Variants in ERGIC3 observed in about 807,000 individuals in gnomAD.
The protein encoded by ERGIC3 is endoplasmic reticulum-Golgi intermediate compartment protein 3.
ERGIC3 carries 33 observed loss-of-function variants against 54.7 expected under a neutral mutation model. That is an observed-to-expected ratio of 0.60 (90% CI 0.46 to 0.81). The LOEUF is 0.81. Ranked by LOEUF, ERGIC3 falls within the 30% of genes least tolerant of loss-of-function variation. The pLI, the probability that ERGIC3 is intolerant of heterozygous loss-of-function variation, is 0.00. For synonymous variants in ERGIC3, 186 were observed against 189.8 expected (o/e 0.98, Z 0.16); for missense variants, 399 against 488.4 (o/e 0.82, Z 1.73).
At chr20:35,557,323 G>T (rs1328621706) in intron 12 of ERGIC3, 74 bp downstream of exon 12, 1 of 1,610,586 alleles carries the variant, frequency 6.2e-7, no homozygotes, top group Non-Finnish European at 8.5e-7. Context: ...TTGGTTGGGG[G>T]TGAAGGGGCA....
chr20:35,548,421 G>A (rs6120980), intron 5 of ERGIC3, 88 bp from the exon 6 acceptor site: 2 of 1,427,914 alleles, frequency 1.4e-6, no homozygotes, highest in South Asian at 2.6e-5. Flanking sequence ...TTCATTAGCA[G>A]GCAGAGCTGC....
In ERGIC3 at chr20:35,542,162, T is replaced by C; in HGVS notation, c.65T>C (p.Val22Ala). The change falls in exon 1 of 13, where the codon GTC becomes GCC. Residue 22 changes from valine (V) to alanine (A), a missense_variant. Coordinates refer to ENST00000348547, the MANE Select transcript of ERGIC3 (RefSeq NM_015966.3). ...CCCAAGACTTTGGAGGACTTCCGGG[T>C]CAAGACCTGCGGGGGCGCCACCGGT... ...AYPKTLEDFR[V>A]KTCGGATVTI... The C allele has an allele frequency of 6.3e-7, 1 of 1,578,970 alleles. No individual in the cohort carries two copies. The highest frequency in any genetic ancestry group is 1.8e-5 in the Admixed American group (1 of 55,580).
chr20:35,545,876 G>A (rs1347882880), intron 4 of ERGIC3, among the ~76,000 whole-genome samples: 1 of 152,182 alleles, frequency 6.6e-6, no homozygotes, highest in African/African-American at 2.4e-5. Context: ...AGAATTTAGA[G>A]GAGTTATCAG....
intron 10 of ERGIC3, 43 bp downstream of exon 10, chr20:35,556,314 A>G: frequency 6.2e-7 from 1 of 1,601,884 alleles, no homozygotes; most frequent in Non-Finnish European, 8.6e-7. Context: ...GCGCGGTGCC[A>G]AGCACTGGAG....
At chr20:35,545,404 CA>C (rs553943792) in intron 4 of ERGIC3, 192 of 139,966 alleles carry the variant, frequency 1.4e-3, no homozygotes, top group Middle Eastern at 3.7e-3. Context: ...CTAAAAAATA[CA>C]AAAAAAAAAA....
chr20:35,556,680 TGCG>T (rs1056557540), intron 10 of ERGIC3: 13 of 522,928 alleles, frequency 2.5e-5, no homozygotes, highest in Non-Finnish European at 4.5e-5. Context: ...TCAGCCTTGG[TGCG>T]TCTTTGGAGA....
At chr20:35,548,101 G>C (rs1204837679) in intron 5 of ERGIC3, among the ~76,000 whole-genome samples, 1 of 152,094 alleles carries the variant, frequency 6.6e-6, no homozygotes, top group Non-Finnish European at 1.5e-5. Context: ...AGTGGCATTA[G>C]GTATCTTCAC....
At chr20:35,555,992 C>T (rs1352559344) in intron 8 of ERGIC3, 41 bp from the exon 9 acceptor site, 1 of 1,586,912 alleles carries the variant, frequency 6.3e-7, no homozygotes, top group Non-Finnish European at 8.6e-7. Context: ...CTGCTACTGT[C>T]ATCAGAGCTT....
chr20:35,554,407 G>A (rs754333496), intron 7 of ERGIC3: 34 of 1,613,976 alleles, frequency 2.1e-5, no homozygotes, highest in Non-Finnish European at 2.8e-5. Flanking sequence ...CTGCCCCCAT[G>A]GAGGCCAAAC....
chr20:35,556,423 TC>T, intron 10 of ERGIC3, 152 bp downstream of exon 10: 1 of 816,444 alleles, frequency 1.2e-6, no homozygotes, highest in Non-Finnish European at 2.0e-6. Context: ...GGATTTGCCC[TC>T]CCAGGCAGAG....
rs2064613987 is a variant in ERGIC3 at position 35,542,083 on chromosome 20, T to C, written c.-15T>C. 2.6e-6 allele frequency: 4 copies of C among 1,517,250 alleles called. No homozygotes were observed. Among genetic ancestry groups the C allele is most frequent in the Non-Finnish European group, 3.5e-6 (4 of 1,135,794 alleles). 94.0% of individuals were successfully genotyped at this position (1,517,250 alleles called of 1,614,324 possible). ...AGGGGCGGGCCGGCTGGCGTCCCCT[T>C]TCCGGCCGGTCCCCATGGAGGCGCT... is the stretch of plus-strand genomic sequence containing the variant. On this transcript the variant is annotated 5_prime_UTR_variant, in exon 1 of 13. Coordinates refer to ENST00000348547, the MANE Select transcript of ERGIC3 (RefSeq NM_015966.3).
intron 7 of ERGIC3, chr20:35,549,081 G>A: frequency 5.9e-6 from 4 of 674,830 alleles, no homozygotes; most frequent in Middle Eastern, 2.4e-4. Flanking sequence ...CTTACTGGCT[G>A]TGTGACTTTG....
In ERGIC3 at chr20:35,556,212, A is replaced by G; in HGVS notation, c.820A>G (p.Met274Val). The change falls in exon 10 of 13, where the codon ATG (methionine) becomes GTG (valine). Residue 274 changes from methionine to valine, a missense_variant. By Grantham distance (21) the Met-to-Val change is conservative. Transcript: ENST00000348547. Reference sequence around the variant, plus strand: ...GTGCTTTGTTTTCCCCTCAGCCTCCATGATGTTCCAGTACTTTGTGAAGGT... The same window carrying G: ...GTGCTTTGTTTTCCCCTCAGCCTCCGTGATGTTCCAGTACTTTGTGAAGGT... ...HTNVTAPQAS[M>V]MFQYFVKVVP... 1 of 1,614,126 alleles carries G rather than the reference A, an allele frequency of 6.2e-7. No homozygotes were observed. Among genetic ancestry groups the G allele is most frequent in the Non-Finnish European group, 8.5e-7 (1 of 1,180,022 alleles).
chr20:35,546,338 G>A (rs1168189645), intron 4 of ERGIC3, among the ~76,000 whole-genome samples: 1 of 152,134 alleles, frequency 6.6e-6, no homozygotes, highest in Admixed American at 6.6e-5. Flanking sequence ...TGAGATGGTG[G>A]GTTTGGTGGT....
Position 35,542,541 on chromosome 20 carries a change from C to T in ERGIC3, c.188C>T (p.Ser63Leu). Residue 63 changes from serine (S) to leucine (L), a missense_variant, in exon 3 of 13, where the codon TCG becomes TTG. Physicochemically the swap from Ser to Leu is moderately radical, Grantham distance 145. Transcript: ENST00000348547. ...EVHPELYVDK[S>L]RGDKLKINID... ...CATCCTGAGCTCTACGTGGACAAGT[C>T]GCGGGGAGATAAACTGAAGATCAAC... The T allele has an allele frequency of 6.2e-7, 1 of 1,613,918 alleles. No homozygotes were observed. The highest frequency in any genetic ancestry group is 8.5e-7 in the Non-Finnish European group (1 of 1,180,000).
chr20:35,556,376 C>T (rs1441417790), intron 10 of ERGIC3, 105 bp downstream of exon 10: 2 of 1,223,762 alleles, frequency 1.6e-6, no homozygotes, highest in Non-Finnish European at 2.4e-6. Context: ...CTCGTCCTCA[C>T]ATGGCGAATA....
At chr20:35,544,553 C>T (rs770661022) in intron 4 of ERGIC3, 10 of 272,432 alleles carry the variant, frequency 3.7e-5, no homozygotes, top group Non-Finnish European at 7.0e-5. Context: ...CCCGTTTGTC[C>T]TTGGAGACCT....
chr20:35,553,020 A>ATTTTTGTTTTTTTTTTT (rs2064689856), intron 7 of ERGIC3, among the ~76,000 whole-genome samples: 1 of 41,552 alleles, frequency 2.4e-5, no homozygotes, highest in African/African-American at 8.3e-5. Context: ...AAAGCTGGGG[A>ATTTTTGTTTTTTTTTTT]TTTTTTTTTT....
In ERGIC3 at chr20:35,557,631, A is replaced by G. The variant is rs1456440083; in HGVS notation, c.*127A>G. The G allele has an allele frequency of 1.3e-6, 1 of 777,620 alleles. No individual in the cohort carries two copies. Among genetic ancestry groups the G allele is most frequent in the African/African-American group, 1.7e-5 (1 of 58,770 alleles). 48.2% of individuals were successfully genotyped at this position (777,620 alleles called of 1,614,324 possible). A position where few individuals can be genotyped will look rare whatever the true frequency, so the allele number is the denominator to read the frequency against. ...GATAAATCTATTGATTGATTGTGAT[A>G]GTACTCACTGGTCTCCGTGTGATCC... On this transcript the variant is annotated 3_prime_UTR_variant, in exon 13 of 13. Transcript: ENST00000348547.
Sources: gnomAD v4.1 joint callset for allele counts (sites outside exome capture counted in the v4.1 genomes callset) on GRCh38, gnomAD v4.1.1 for gene constraint, MANE v1.5 for transcripts, NCBI Gene and HGNC (gene_info 2026-07-23, HGNC 2026-07-21) for gene names.